Variants in TTC34 observed in about 807,000 individuals in gnomAD.
The protein encoded by TTC34 is tetratricopeptide repeat protein 34.
A neutral mutation model predicts 40.7 loss-of-function variants in TTC34; 44 were observed. The observed-to-expected ratio is 1.08, with a 90% CI of 0.85 to 1.39. The LOEUF (loss-of-function observed/expected upper bound fraction) is 1.39, where lower values mean the gene tolerates loss of function less well. Among genes scored for constraint, TTC34 ranks in the 40% most tolerant of loss-of-function variants. TTC34 has a pLI of 0.00. For synonymous variants in TTC34, 422 were observed against 398.6 expected, an observed-to-expected ratio of 1.06 and a Z score of -0.70; for missense variants, 884 against 838.0, an observed-to-expected ratio of 1.05 and a Z score of -0.68.
intron 6 of TTC34, among the ~76,000 whole-genome samples, chr1:2,693,109 C>T (rs1232031188): frequency 1.7e-5 from 1 of 58,078 alleles, no homozygotes; most frequent in Non-Finnish European, 4.2e-5. Context: ...CCCACACCCT[C>T]AGGTGAGCAT....
chr1:2,684,887 G>T (rs866315237), intron 6 of TTC34, among the ~76,000 whole-genome samples: 2 of 122,334 alleles, frequency 1.6e-5, no homozygotes, highest in African/African-American at 3.8e-5. Context: ...CCCCAGGTGA[G>T]CATCTGACAG....
intron 6 of TTC34, among the ~76,000 whole-genome samples, chr1:2,686,836 C>CTG (rs1640380574): frequency 1.1e-4 from 1 of 8,710 alleles, no homozygotes; most frequent in African/African-American, 6.6e-4. Flanking sequence ...TGGAGCAGCA[C>CTG]CCCACACCCC....
chr1:2,799,187 C>T (rs941687042), intron 2 of TTC34, among the ~76,000 whole-genome samples: 1 of 152,198 alleles, frequency 6.6e-6, no homozygotes. Flanking sequence ...CCCAGCAGGT[C>T]TTGTCCTTAC....
exon 9 of TTC34, chr1:2,637,271 G>A (rs1638813362): frequency 6.6e-6 from 1 of 152,202 alleles, no homozygotes; most frequent in Admixed American, 6.5e-5. Flanking sequence ...TCAATCAGAG[G>A]AAAGCAGCCA....
chr1:2,785,716 C>T, intron 5 of TTC34, 103 bp downstream of exon 5: 1 of 1,291,964 alleles, frequency 7.7e-7, no homozygotes, highest in Non-Finnish European at 1.0e-6. Context: ...GCCCCTGCAC[C>T]TGGGGAGCAT....
chr1:2,638,032 A>G (rs139542075), exon 9 of TTC34: 1 of 152,236 alleles, frequency 6.6e-6, no homozygotes, highest in Non-Finnish European at 1.5e-5. Flanking sequence ...GTCCTCCAAG[A>G]TCTGAGAGTA....
In TTC34 at chr1:2,762,034, T is replaced by A. The variant is rs1471658788; in HGVS notation, c.2226+21575A>T. 5.9e-5 allele frequency among the ~76,000 whole-genome samples: 3 copies of A among 50,484 alleles called. 1 individual carries two copies. The highest frequency in any genetic ancestry group is 9.6e-5 in the Non-Finnish European group (3 of 31,316). The allele number at this position is 50,484 out of a possible 152,430, so 33.1% of individuals were successfully genotyped here. A position where few individuals can be genotyped will look rare whatever the true frequency, so the allele number is the denominator to read the frequency against. On this transcript the variant is annotated intron_variant, in intron 6 of 8. Transcript: ENST00000401095. ...ACCCCCAGGTGAGCATGTGACAGCC[T>A]GGAGCAGCGCCCACACCCCCGGGCG...
intron 6 of TTC34, among the ~76,000 whole-genome samples, chr1:2,684,643 G>A (rs925951421): frequency 1.1e-4 from 12 of 104,936 alleles, no homozygotes; most frequent in South Asian, 9.3e-4. Context: ...TCACCTCCAG[G>A]TGAGCATCCG....
At chr1:2,683,736 C>T (rs1640189508) in intron 6 of TTC34, among the ~76,000 whole-genome samples, 6 of 150,160 alleles carry the variant, frequency 4.0e-5, no homozygotes, top group Admixed American at 3.3e-4. Flanking sequence ...AGCTGATATC[C>T]TGGAACAGCA....
At chr1:2,686,954 G>T (rs185434172) in intron 6 of TTC34, among the ~76,000 whole-genome samples, 21 of 148,420 alleles carry the variant, frequency 1.4e-4, no homozygotes, top group African/African-American at 5.2e-4. Context: ...GCCTGGAGCA[G>T]CACCCACACT....
chr1:2,777,589 C>T lies in TTC34; in HGVS notation c.2226+6020G>A, dbSNP rs114812340. 6.8e-3 allele frequency among the ~76,000 whole-genome samples: 1,024 copies of T among 151,360 alleles called. 12 individuals carry two copies. Among genetic ancestry groups the T allele is most frequent in the African/African-American group, 0.024 (974 of 41,276 alleles). On this transcript the variant is annotated intron_variant, in intron 6 of 8. Transcript: ENST00000401095. ...CTGAGAGACAGGACAGGGTTGTTGG[C>T]CAGGAGGAGGGGCCTGCTGCTGAGC... is the stretch of plus-strand genomic sequence containing the variant.
At chr1:2,780,080 C>T (rs1643457640) in intron 6 of TTC34, among the ~76,000 whole-genome samples, 1 of 152,220 alleles carries the variant, frequency 6.6e-6, no homozygotes, top group South Asian at 2.1e-4. Context: ...CGCCACTGCA[C>T]TCCAGCCTGG....
chr1:2,642,542 C>T (rs1262980126), intron 8 of TTC34, among the ~76,000 whole-genome samples: 1 of 152,228 alleles, frequency 6.6e-6, no homozygotes, highest in Non-Finnish European at 1.5e-5. Flanking sequence ...CTGAGCCCAC[C>T]CAGGCCCAAT....
intron 2 of TTC34, 101 bp from the exon 3 acceptor site, chr1:2,790,447 CTG>C: frequency 2.5e-6 from 1 of 397,498 alleles, no homozygotes; most frequent in East Asian, 3.6e-5. Flanking sequence ...ACTCAGGAGA[CTG>C]TGAGTCCTCC....
exon 9 of TTC34, chr1:2,641,817 G>A (rs1638912594): frequency 6.5e-7 from 1 of 1,534,030 alleles, no homozygotes; most frequent in South Asian, 1.2e-5. Flanking sequence ...CCACTGGCCA[G>A]GACAGACAGC....
chr1:2,793,219 C>G (rs941076168), intron 2 of TTC34, among the ~76,000 whole-genome samples: 2 of 152,144 alleles, frequency 1.3e-5, no homozygotes, highest in African/African-American at 2.4e-5. Context: ...AAAATGGTCT[C>G]TCATTGTTTT....
At chr1:2,782,828 C>G (rs561615725) in intron 6 of TTC34, among the ~76,000 whole-genome samples, 3 of 152,284 alleles carry the variant, frequency 2.0e-5, no homozygotes, top group Admixed American at 2.0e-4. Context: ...GGTTGCTTAG[C>G]TGGACCCAAC....
intron 2 of TTC34, among the ~76,000 whole-genome samples, chr1:2,799,429 G>A (rs150711166): frequency 2.6e-5 from 4 of 152,100 alleles, no homozygotes; most frequent in African/African-American, 9.7e-5. Flanking sequence ...TGTAATCCCA[G>A]TTACTCGGGA....
At chr1:2,771,582 C>T (rs1221636082) in intron 6 of TTC34, among the ~76,000 whole-genome samples, 3 of 63,320 alleles carry the variant, frequency 4.7e-5, no homozygotes, top group Admixed American at 1.4e-4. Context: ...GAGCATCTGA[C>T]AGCCTGGAGC....
Sources: gnomAD v4.1 joint callset for allele counts (sites outside exome capture counted in the v4.1 genomes callset) on GRCh38, gnomAD v4.1.1 for gene constraint, MANE v1.5 for transcripts, NCBI Gene and HGNC (gene_info 2026-07-23, HGNC 2026-07-21) for gene names.